Variants in DZIP1L observed in about 807,000 individuals in gnomAD.
The protein encoded by DZIP1L is cilium assembly protein DZIP1L.
DZIP1L carries 90 observed loss-of-function variants against 88.7 expected under a neutral mutation model. That is an observed-to-expected ratio of 1.02 (90% CI 0.86 to 1.21). The LOEUF (loss-of-function observed/expected upper bound fraction) is 1.21, where lower values mean the gene tolerates loss of function less well. Among genes scored for constraint, DZIP1L ranks in the 50% most tolerant of loss-of-function variants. The pLI is 0.00. For missense variants in DZIP1L, 932 were observed against 955.8 expected, an observed-to-expected ratio of 0.98 and a Z score of 0.33; for synonymous variants, 363 against 372.1, an observed-to-expected ratio of 0.98 and a Z score of 0.28.
chr3:138,075,962 AAAAGGCTG>A (rs1943386547), intron 11 of DZIP1L, among the ~76,000 whole-genome samples: 1 of 152,228 alleles, frequency 6.6e-6, no homozygotes, highest in Non-Finnish European at 1.5e-5. Flanking sequence ...GTCTCAAAAA[AAAAGGCTG>A]AAAGAGCACA....
At position 138,062,353 on chromosome 3, in the gene DZIP1L, A is replaced by G. The variant is rs2107725076; in HGVS notation, c.*463T>C. ...CACCCTAACTCAGTAGTGAGAGGCT[A>G]GAGAGCCTGGCGCAGAGTAGGTAGG... is the stretch of plus-strand genomic sequence containing the variant. On this transcript the variant is annotated 3_prime_UTR_variant, in exon 16 of 16. Transcript: ENST00000327532. 6.3e-6 allele frequency: 1 copy of G among 158,772 alleles called. No individual in the cohort carries two copies. The highest frequency in any genetic ancestry group is 1.8e-4 in the South Asian group (1 of 5,468). 9.8% of individuals were successfully genotyped at this position (158,772 alleles called of 1,614,324 possible). A position where few individuals can be genotyped will look rare whatever the true frequency, so the allele number is the denominator to read the frequency against.
At chr3:138,065,033 C>G (rs1440396933) in intron 14 of DZIP1L, among the ~76,000 whole-genome samples, 1 of 152,212 alleles carries the variant, frequency 6.6e-6, no homozygotes, top group East Asian at 1.9e-4. Flanking sequence ...CTGTGCTTCC[C>G]TCTAATGAGA....
At chr3:138,084,085 G>A (rs373515245) in intron 8 of DZIP1L, 28 bp downstream of exon 8, 10 of 1,610,232 alleles carry the variant, frequency 6.2e-6, no homozygotes, top group Non-Finnish European at 8.5e-6. Flanking sequence ...GGACACCAAG[G>A]CCTGGCTGAA....
intron 5 of DZIP1L, 82 bp from the exon 6 acceptor site, chr3:138,088,589 G>A (rs1464754455): frequency 3.4e-6 from 5 of 1,482,370 alleles, no homozygotes. Context: ...GTGTCAGAGG[G>A]GCACGCCTTA....
chr3:138,062,600 A>C lies in DZIP1L; in HGVS notation c.*216T>G. 3.8e-6 allele frequency: 2 copies of C among 519,866 alleles called. No homozygotes were observed. Among genetic ancestry groups the C allele is most frequent in the Non-Finnish European group, 6.8e-6 (2 of 294,402 alleles). 32.2% of individuals were successfully genotyped at this position (519,866 alleles called of 1,614,324 possible). On this transcript the variant is annotated 3_prime_UTR_variant, in exon 16 of 16. Transcript: ENST00000327532. ...AACCCTTTCTCAAGCCTGGGGACCT[A>C]GGGGCTCCTAGTCAGGCACCTGTGG...
chr3:138,067,696 G>A lies in DZIP1L; in HGVS notation c.1837C>T (p.Pro613Ser), dbSNP rs142662020. The A allele has an allele frequency of 1.7e-5, 26 of 1,553,844 alleles. No homozygotes were observed. Among genetic ancestry groups the A allele is most frequent in the African/African-American group, 2.8e-5 (2 of 71,644 alleles). ...GAGTCCTCTTCAGAACTGAACGGGG[G>A]CGTGCTGCCACGAGGAGGAGAAGAA... ...PPSSGPGMST[P>S]PFSSEEDSEG... The change falls in exon 14 of 16, where the codon CCC becomes TCC. Residue 613 changes from proline to serine, a missense_variant. Coordinates refer to ENST00000327532, the MANE Select transcript of DZIP1L (RefSeq NM_173543.3).
chr3:138,070,172 T>C (rs754531105), intron 12 of DZIP1L, among the ~76,000 whole-genome samples: 22 of 152,144 alleles, frequency 1.4e-4, no homozygotes, highest in Non-Finnish European at 2.5e-4. Flanking sequence ...ACCACCCCCA[T>C]GCTTGGCTCC....
At chr3:138,072,843 C>T (rs1451902774) in intron 11 of DZIP1L, among the ~76,000 whole-genome samples, 4 of 152,248 alleles carry the variant, frequency 2.6e-5, no homozygotes, top group Admixed American at 6.5e-5. Context: ...CGAGTGAGAC[C>T]GGACTTTAGG....
intron 11 of DZIP1L, among the ~76,000 whole-genome samples, chr3:138,072,745 A>G (rs1342219415): frequency 6.6e-6 from 1 of 152,136 alleles, no homozygotes; most frequent in African/African-American, 2.4e-5. Flanking sequence ...TGCTTTCTCA[A>G]TGGGGAGGTT....
chr3:138,102,740 T>C lies in DZIP1L; in HGVS notation c.501+731A>G, dbSNP rs769228046. 57 of 792,456 alleles carry C rather than the reference T, an allele frequency of 7.2e-5. No individual in the cohort carries two copies. In the Admixed American group the frequency reaches 7.7e-4, roughly 11 times the overall value. 49.1% of individuals were successfully genotyped at this position (792,456 alleles called of 1,614,324 possible). A position where few individuals can be genotyped will look rare whatever the true frequency, so the allele number is the denominator to read the frequency against. On this transcript the variant is annotated intron_variant, in intron 2 of 15. Transcript: ENST00000327532. The stretch of plus-strand genomic sequence containing the variant: ...ACAGTGATGGCAGTGATGCCTCCCA[T>C]GCCACTGGCCCCACCATAGCCTCCG...
intron 12 of DZIP1L, among the ~76,000 whole-genome samples, chr3:138,071,226 C>T (rs1317308177): frequency 1.3e-5 from 2 of 152,346 alleles, no homozygotes; most frequent in East Asian, 1.9e-4. Context: ...TGCTCCCGGG[C>T]CTCTGCCTGC....
chr3:138,101,740 T>C, intron 2 of DZIP1L: 1 of 929,828 alleles, frequency 1.1e-6, no homozygotes. Context: ...CCGGCTTTCC[T>C]TGCCCTCCAG....
intron 15 of DZIP1L, among the ~76,000 whole-genome samples, chr3:138,064,193 T>C (rs1942791560): frequency 6.6e-6 from 1 of 152,156 alleles, no homozygotes; most frequent in South Asian, 2.1e-4. Flanking sequence ...TGATGTGCTA[T>C]GCGAGGCCAC....
chr3:138,094,977 T>C lies in DZIP1L; in HGVS notation c.593A>G (p.Gln198Arg), dbSNP rs767875440. 2 of 1,614,142 alleles carry C rather than the reference T, an allele frequency of 1.2e-6. No homozygotes were observed. Among genetic ancestry groups the C allele is most frequent in the Non-Finnish European group, 1.7e-6 (2 of 1,180,056 alleles). The change falls in exon 4 of 16, where the codon CAG (glutamine) becomes CGG (arginine). Residue 198 changes from glutamine (Q) to arginine (R), a missense_variant. Transcript: ENST00000327532. The part of the protein sequence containing the change: ...RHAGVAEGGK[Q>R]KKQEQPVEEV... ...TTCCACTGGCTGTTCCTGTTTCTTC[T>C]GTTTTCCTGTGGGGTCCACGCAAAG...
chr3:138,107,979 A>C (rs911923645), intron 1 of DZIP1L, among the ~76,000 whole-genome samples: 1 of 152,150 alleles, frequency 6.6e-6, no homozygotes, highest in African/African-American at 2.4e-5. Flanking sequence ...GCCTGACATA[A>C]GCACCCCCAC....
At chr3:138,081,396 C>A (rs1943641400) in intron 9 of DZIP1L, among the ~76,000 whole-genome samples, 3 of 152,176 alleles carry the variant, frequency 2.0e-5, no homozygotes, top group South Asian at 2.1e-4. Flanking sequence ...AAGTTGCTGG[C>A]AACCCTGAAT....
intron 7 of DZIP1L, among the ~76,000 whole-genome samples, chr3:138,086,577 C>T (rs2622714): frequency 0.57 from 87,294 of 152,018 alleles, 27,609 homozygotes; most frequent in Non-Finnish European, 0.7. Flanking sequence ...GGCCCACAGC[C>T]GCCTGGTTCT....
intron 12 of DZIP1L, among the ~76,000 whole-genome samples, chr3:138,069,759 C>T (rs535070469): frequency 3.9e-5 from 6 of 152,260 alleles, no homozygotes; most frequent in African/African-American, 7.2e-5. Flanking sequence ...AATCTTGGGC[C>T]CTCACCGCTA....
At chr3:138,069,885 G>A (rs917506306) in intron 12 of DZIP1L, among the ~76,000 whole-genome samples, 1 of 152,118 alleles carries the variant, frequency 6.6e-6, no homozygotes, top group African/African-American at 2.4e-5. Context: ...AGAGCTGGAA[G>A]GAAAGGTCTA....
Sources: allele counts gnomAD v4.1 joint callset (sites outside exome capture counted in the v4.1 genomes callset), GRCh38; gene constraint gnomAD v4.1.1; transcripts MANE v1.5; gene names NCBI Gene and HGNC (gene_info 2026-07-23, HGNC 2026-07-21).